Variants in NRG3 observed in about 807,000 individuals in gnomAD.
The protein encoded by NRG3 is neuregulin 3.
Under a neutral mutation model 66.9 loss-of-function variants are expected in NRG3, and 31 were observed. The ratio of observed to expected loss-of-function variants is 0.46; its 90% CI spans 0.35 to 0.63. The LOEUF (loss-of-function observed/expected upper bound fraction) is 0.63, where lower values mean the gene tolerates loss of function less well. Ranked by LOEUF, NRG3 falls within the 20% of genes least tolerant of loss-of-function variation. NRG3 has a pLI of 0.00. For synonymous variants in NRG3, 393 were observed against 359.4 expected (o/e 1.09, Z -1.06); for missense variants, 910 against 878.9 (o/e 1.04, Z -0.45).
intron 4 of NRG3, among the ~76,000 whole-genome samples, chr10:82,943,983 G>A (rs1454497356): frequency 1.3e-5 from 2 of 152,182 alleles, no homozygotes; most frequent in African/African-American, 4.8e-5. Flanking sequence ...CATACTTGCA[G>A]TCACTCATTT....
rs891111104 is a variant in NRG3, at chr10:82,152,536, G to A, written c.824-206203G>A. ...CTTTTTTTTTGAAATGTGTGTTATC[G>A]GGGACGTAGCTCTGTGATATCAAGA... On this transcript the variant is annotated intron_variant, in intron 1 of 8. Coordinates refer to ENST00000372141, the MANE Select transcript of NRG3 (RefSeq NM_001010848.4). Among the ~76,000 whole-genome samples, 14 of 151,996 alleles carry A rather than the reference G, an allele frequency of 9.2e-5. No individual in the cohort carries two copies. The East Asian group carries it at 2.1e-3, about 23-fold the overall frequency.
At chr10:82,226,070 C>T (rs2076150401) in intron 1 of NRG3, among the ~76,000 whole-genome samples, 1 of 151,868 alleles carries the variant, frequency 6.6e-6, no homozygotes, top group African/African-American at 2.4e-5. Flanking sequence ...TACATTTTAC[C>T]CCAAGAATCT....
chr10:82,412,842 C>CA (rs1269194272), intron 2 of NRG3, among the ~76,000 whole-genome samples: 4 of 146,166 alleles, frequency 2.7e-5, no homozygotes, highest in African/African-American at 5.5e-5. Flanking sequence ...AACAAACAAA[C>CA]AAAAAAACAC....
chr10:82,223,345 CAT>C (rs1401714990), intron 1 of NRG3, among the ~76,000 whole-genome samples: 1 of 152,032 alleles, frequency 6.6e-6, no homozygotes, highest in Non-Finnish European at 1.5e-5. Flanking sequence ...CTCAAAAAAA[CAT>C]ATCACAAGAC....
At chr10:82,437,153 C>T (rs765963056) in intron 2 of NRG3, among the ~76,000 whole-genome samples, 1 of 151,918 alleles carries the variant, frequency 6.6e-6, no homozygotes, top group Non-Finnish European at 1.5e-5. Flanking sequence ...TTCCATTCTC[C>T]CTTCTCCTTC....
At chr10:82,100,563 C>T (rs1034800591) in intron 1 of NRG3, among the ~76,000 whole-genome samples, 2 of 151,930 alleles carry the variant, frequency 1.3e-5, no homozygotes, top group African/African-American at 4.8e-5. Flanking sequence ...AAGGAAGTTC[C>T]CATCTATTTT....
chr10:82,762,416 T>G (rs371744082), intron 3 of NRG3, among the ~76,000 whole-genome samples: 9 of 152,206 alleles, frequency 5.9e-5, no homozygotes, highest in African/African-American at 2.2e-4. Flanking sequence ...TTTATATAAT[T>G]CCATGCCATT....
chr10:82,862,339 G>A (rs953427270), intron 3 of NRG3, among the ~76,000 whole-genome samples: 10 of 152,164 alleles, frequency 6.6e-5, no homozygotes, highest in African/African-American at 2.2e-4. Flanking sequence ...TGAGAGAGGG[G>A]CAGAGACTCC....
intron 1 of NRG3, among the ~76,000 whole-genome samples, chr10:82,161,652 T>C (rs917435646): frequency 6.6e-6 from 1 of 152,136 alleles, no homozygotes; most frequent in African/African-American, 2.4e-5. Context: ...CTGGTCTATC[T>C]CATTGAAAGC....
intron 1 of NRG3, among the ~76,000 whole-genome samples, chr10:82,278,016 C>T (rs1197404814): frequency 1.3e-5 from 2 of 152,094 alleles, no homozygotes; most frequent in African/African-American, 4.8e-5. Flanking sequence ...TCACCACACA[C>T]TACACATCTT....
intron 1 of NRG3, among the ~76,000 whole-genome samples, chr10:82,299,997 A>C (rs1371752094): frequency 2.0e-5 from 3 of 152,200 alleles, no homozygotes; most frequent in African/African-American, 7.2e-5. Context: ...CAAGGGGCTC[A>C]GAAAAAAATG....
chr10:82,475,130 A>G (rs1841652252), intron 2 of NRG3, among the ~76,000 whole-genome samples: 1 of 152,036 alleles, frequency 6.6e-6, no homozygotes, highest in Non-Finnish European at 1.5e-5. Flanking sequence ...AATAGAGAAC[A>G]GAAAAAGAAT....
intron 2 of NRG3, among the ~76,000 whole-genome samples, chr10:82,689,329 T>G (rs2054747015): frequency 6.6e-6 from 1 of 152,166 alleles, no homozygotes; most frequent in Non-Finnish European, 1.5e-5. Context: ...GTAACCTGGT[T>G]AAACAAGGCA....
rs12267372 is a variant in NRG3 at position 82,769,995 on chromosome 10, A to G, written c.1027+31345A>G. On this transcript the variant is annotated intron_variant, in intron 3 of 8. Coordinates refer to ENST00000372141, the MANE Select transcript of NRG3 (RefSeq NM_001010848.4). ...TGAGTCTGTAACTTAGCCAATCATAATGTTATTAAAGTAGAAATATTCTGT... is the reference window on the plus strand; with the variant it reads ...TGAGTCTGTAACTTAGCCAATCATAGTGTTATTAAAGTAGAAATATTCTGT... Among the ~76,000 whole-genome samples, 678 of 152,214 alleles carry G rather than the reference A, an allele frequency of 4.5e-3. 4 individuals are homozygous for G. The highest frequency in any genetic ancestry group is 0.016 in the African/African-American group (649 of 41,554).
intron 2 of NRG3, among the ~76,000 whole-genome samples, chr10:82,719,862 A>C (rs1364273587): frequency 6.6e-6 from 1 of 152,160 alleles, no homozygotes; most frequent in Non-Finnish European, 1.5e-5. Context: ...TGGGTATACC[A>C]ACTCTTGCTT....
At chr10:82,407,029 A>C (rs1474856845) in intron 2 of NRG3, among the ~76,000 whole-genome samples, 1 of 151,656 alleles carries the variant, frequency 6.6e-6, no homozygotes, top group Non-Finnish European at 1.5e-5. Flanking sequence ...TTTCCCCAGT[A>C]AATAACCTTT....
At chr10:82,867,233 G>T (rs913381682) in intron 4 of NRG3, among the ~76,000 whole-genome samples, 2 of 152,152 alleles carry the variant, frequency 1.3e-5, no homozygotes, top group East Asian at 1.9e-4. Context: ...AGAGATCCAG[G>T]CTTCTTCCAT....
intron 4 of NRG3, among the ~76,000 whole-genome samples, chr10:82,908,920 C>T (rs763276979): frequency 3.4e-4 from 50 of 147,608 alleles, no homozygotes; most frequent in Non-Finnish European, 7.5e-4. Flanking sequence ...ACGCCCTCAG[C>T]GACTGGAGCT....
intron 1 of NRG3, among the ~76,000 whole-genome samples, chr10:81,964,235 C>T (rs570619092): frequency 2.0e-5 from 3 of 151,454 alleles, no homozygotes; most frequent in South Asian, 2.1e-4. Context: ...TTCATTTAAC[C>T]GTATTGAGTT....
Sources: allele counts gnomAD v4.1 joint callset (sites outside exome capture counted in the v4.1 genomes callset), GRCh38; gene constraint gnomAD v4.1.1; transcripts MANE v1.5; gene names NCBI Gene and HGNC (gene_info 2026-07-23, HGNC 2026-07-21).